The following NCS1 variants were observed in gnomAD, a reference collection of about 807,000 sequenced individuals.
The protein encoded by NCS1 is frequenin homolog.
Under a neutral mutation model 28.4 loss-of-function variants are expected in NCS1, and 6 were observed. The observed-to-expected ratio is 0.21, with a 90% CI of 0.12 to 0.42. The LOEUF is 0.42. Among genes scored for constraint, NCS1 ranks in the 10% least tolerant of loss-of-function variants. The probability of loss-of-function intolerance (pLI) is 1.00; values close to 1 mark genes in which losing one functional copy is unlikely to be tolerated. For missense variants in NCS1, 131 were observed against 241.4 expected, an observed-to-expected ratio of 0.54 and a Z score of 3.03; for synonymous variants, 86 against 99.3, an observed-to-expected ratio of 0.87 and a Z score of 0.79.
intron 2 of NCS1, among the ~76,000 whole-genome samples, chr9:130,205,833 TA>T (rs57877038): frequency 0.028 from 3,974 of 141,504 alleles, 132 homozygotes; most frequent in African/African-American, 0.081. Context: ...GACCCTGTCT[TA>T]AAAAAAAAAA....
intron 2 of NCS1, among the ~76,000 whole-genome samples, chr9:130,204,890 G>A (rs1437772818): frequency 6.6e-6 from 1 of 152,066 alleles, no homozygotes; most frequent in East Asian, 1.9e-4. Context: ...GGAAACTGAG[G>A]CCCAGGGGGG....
intron 2 of NCS1, among the ~76,000 whole-genome samples, chr9:130,205,420 T>C (rs927099076): frequency 6.6e-5 from 10 of 151,126 alleles, no homozygotes; most frequent in African/African-American, 2.4e-4. Context: ...GGGATGCACC[T>C]ATAGTCCCAG....
chr9:130,226,320 TG>T lies in NCS1; in HGVS notation c.475-66del. On this transcript the variant is annotated intron_variant, in intron 6 of 7. Transcript: ENST00000372398. This position sits in a 1 kb window ranked among gnomAD's most constrained non-coding sequence, Gnocchi z 4.8. ...TTGGAAGGGCTCTTGGGACCGGCCC[TG>T]GGCTGGGCTTGTCTAGAGCCCTCTC... is the stretch of plus-strand genomic sequence containing the variant. The T allele has an allele frequency of 7.2e-7, 1 of 1,382,356 alleles. No homozygotes were observed. The allele number at this position is 1,382,356 out of a possible 1,614,324, so 85.6% of individuals were successfully genotyped here. A position where few individuals can be genotyped will look rare whatever the true frequency, so the allele number is the denominator to read the frequency against.
intron 1 of NCS1, among the ~76,000 whole-genome samples, chr9:130,198,034 G>T (rs1370519081): frequency 6.6e-6 from 1 of 151,480 alleles, no homozygotes; most frequent in Non-Finnish European, 1.5e-5. Flanking sequence ...CTGGGCCCTG[G>T]CTGGGTGCCA....
intron 1 of NCS1, among the ~76,000 whole-genome samples, chr9:130,190,642 G>A (rs1334120376): frequency 1.3e-5 from 2 of 152,246 alleles, no homozygotes; most frequent in Non-Finnish European, 2.9e-5. Context: ...CGTCAGAGAT[G>A]CCAAAGATTC....
chr9:130,194,659 T>A (rs1042855098), intron 1 of NCS1, among the ~76,000 whole-genome samples: 8 of 152,140 alleles, frequency 5.3e-5, no homozygotes, highest in African/African-American at 1.9e-4. Context: ...AGAAACTTGT[T>A]TGGAATCACC....
rs1554912764 is a variant in NCS1, at chr9:130,235,119, A to AT, written c.*2147_*2148insT. 1 of 137,698 alleles carries AT rather than the reference A, an allele frequency of 7.3e-6. No individual in the cohort carries two copies. Among genetic ancestry groups the AT allele is most frequent in the African/African-American group, 2.8e-5 (1 of 35,878 alleles). 8.5% of individuals were successfully genotyped at this position (137,698 alleles called of 1,614,324 possible). ...TAGGACTGCACGCTGGCCCCACGGT[A>AT]ACCCCCCCTCCCCCACCAACATCCT... On this transcript the variant is annotated 3_prime_UTR_variant, in exon 8 of 8. Transcript: ENST00000372398.
chr9:130,210,602 G>C (rs1554908649), intron 2 of NCS1, among the ~76,000 whole-genome samples: 1 of 151,826 alleles, frequency 6.6e-6, no homozygotes, highest in African/African-American at 2.4e-5. Flanking sequence ...GACGTCCTGT[G>C]GTGTTAACAA....
chr9:130,201,454 A>C (rs1379686056), intron 2 of NCS1, among the ~76,000 whole-genome samples: 1 of 152,112 alleles, frequency 6.6e-6, no homozygotes, highest in Non-Finnish European at 1.5e-5. Flanking sequence ...GGCCGTGATA[A>C]GGATTCCGAG....
At chr9:130,224,788 G>T (rs10988647) in intron 6 of NCS1, among the ~76,000 whole-genome samples, 1 of 152,110 alleles carries the variant, frequency 6.6e-6, no homozygotes, top group African/African-American at 2.4e-5. Context: ...GGACTCCAAA[G>T]AAATAAGGAA....
chr9:130,209,577 G>A lies in NCS1; in HGVS notation c.90-8255G>A, dbSNP rs1335625293. ...GGCATCCGGGACTGAGGGGGGCGAG[G>A]TGCTTGGAGTCTCCTGGTGGACGAG... On this transcript the variant is annotated intron_variant, in intron 2 of 7. Transcript: ENST00000372398. This position sits in a 1 kb window ranked among gnomAD's most constrained non-coding sequence, Gnocchi z 4.4. Among the ~76,000 whole-genome samples, 1 of 152,214 alleles carries A rather than the reference G, an allele frequency of 6.6e-6. No individual in the cohort carries two copies. The highest frequency in any genetic ancestry group is 1.5e-5 in the Non-Finnish European group (1 of 68,034).
intron 1 of NCS1, among the ~76,000 whole-genome samples, chr9:130,176,193 T>TCTTTCTTTCTTTCTTC: frequency 1.5e-5 from 1 of 67,824 alleles, no homozygotes. Context: ...TTTCTTTCTT[T>TCTTTCTTTCTTTCTTC]CTTTTTTTTT....
In NCS1 at chr9:130,221,377, CATATATATATATATATATAT is replaced by C. The variant is rs370084084; in HGVS notation, c.308-1255_308-1236del. 6.3e-3 allele frequency among the ~76,000 whole-genome samples: 532 copies of C among 84,686 alleles called. 5 individuals are homozygous for C. Among genetic ancestry groups the C allele is most frequent in the South Asian group, 0.032 (66 of 2,064 alleles). The allele number at this position is 84,686 out of a possible 152,430, so 55.6% of individuals were successfully genotyped here. A position where few individuals can be genotyped will look rare whatever the true frequency, so the allele number is the denominator to read the frequency against. ...AATATTTAATATATATATAAAATAT[CATATATATATATATATATAT>C]ATATATATATATATATAGAGAGAGA... On this transcript the variant is annotated intron_variant, in intron 4 of 7. Coordinates refer to ENST00000372398, the MANE Select transcript of NCS1 (RefSeq NM_014286.4).
At position 130,172,712 on chromosome 9, in the gene NCS1, A is replaced by T; in HGVS notation, c.49A>T (p.Thr17Ser). Residue 17 changes from threonine to serine, a missense_variant, in exon 1 of 8, where the codon ACC becomes TCC. Physicochemically the swap from Thr to Ser is moderately conservative, Grantham distance 58. Transcript: ENST00000372398. ...GAAGCCCGAAGTTGTGGAGGAGCTG[A>T]CCAGGAAGACCTACTGTGAGTGCTC... ...KLKPEVVEEL[T>S]RKTYFTEKEV... 1 of 1,511,550 alleles carries T rather than the reference A, an allele frequency of 6.6e-7. No homozygotes were observed. The allele number at this position is 1,511,550 out of a possible 1,614,324, so 93.6% of individuals were successfully genotyped here.
At chr9:130,193,378 G>T (rs1329759854) in intron 1 of NCS1, among the ~76,000 whole-genome samples, 1 of 152,086 alleles carries the variant, frequency 6.6e-6, no homozygotes, top group Admixed American at 6.5e-5. Flanking sequence ...AAAGTGGGAT[G>T]GGGTGGGGGC....
At chr9:130,230,260 A>G (rs1236791240) in intron 7 of NCS1, among the ~76,000 whole-genome samples, 1 of 152,196 alleles carries the variant, frequency 6.6e-6, no homozygotes, top group East Asian at 1.9e-4. Flanking sequence ...CCGAGGCAGG[A>G]GAATTGCTTG....
rs149511783 is a variant in NCS1 at position 130,189,592 on chromosome 9, A to G, written c.65-11366A>G. Among the ~76,000 whole-genome samples the G allele has an allele frequency of 5.4e-3, 826 of 152,214 alleles. 17 individuals are homozygous for G. The highest frequency in any genetic ancestry group is 0.019 in the African/African-American group (786 of 41,516). ...CACGGTGGCTCACGCCTGTAATCCC[A>G]GGACTTTGAGAGGCCGAGGTGGGCG... On this transcript the variant is annotated intron_variant, in intron 1 of 7. Coordinates refer to ENST00000372398, the MANE Select transcript of NCS1 (RefSeq NM_014286.4).
In NCS1 at chr9:130,233,102, G is replaced by C. The variant is rs1554912347; in HGVS notation, c.*130G>C. The stretch of plus-strand genomic sequence containing the variant: ...CATCCACACACAGCCGGCTGCCCTT[G>C]ACCCGGGAGGCCCCGGCTCTCCTCT... On this transcript the variant is annotated 3_prime_UTR_variant, in exon 8 of 8. Coordinates refer to ENST00000372398, the MANE Select transcript of NCS1 (RefSeq NM_014286.4). The surrounding 1 kb of genome is among the most constrained non-coding windows in gnomAD (Gnocchi z 4.8). 1 of 152,984 alleles carries C rather than the reference G, an allele frequency of 6.5e-6. No individual in the cohort carries two copies. Among genetic ancestry groups the C allele is most frequent in the African/African-American group, 2.4e-5 (1 of 41,358 alleles). The allele number at this position is 152,984 out of a possible 1,614,324, so 9.5% of individuals were successfully genotyped here.
intron 1 of NCS1, chr9:130,194,066 C>T (rs1457942079): frequency 1.3e-5 from 2 of 152,652 alleles, no homozygotes; most frequent in Non-Finnish European, 2.9e-5. Flanking sequence ...GCGGAAGAGG[C>T]TGGATTGGCT....
Sources: allele counts gnomAD v4.1 joint callset (sites outside exome capture counted in the v4.1 genomes callset), GRCh38; gene constraint gnomAD v4.1.1; non-coding constraint Gnocchi (gnomAD v3.1); transcripts MANE v1.5; gene names NCBI Gene and HGNC (gene_info 2026-07-23, HGNC 2026-07-21).